Variants in PDE2A observed in about 807,000 individuals in gnomAD.
The protein encoded by PDE2A is phosphodiesterase 2A, also known as cGMP-dependent 3',5'-cyclic phosphodiesterase.
In PDE2A, 53 loss-of-function variants were observed where a neutral mutation model predicts 133.6. That is an observed-to-expected ratio of 0.40 (90% CI 0.32 to 0.50). The LOEUF is 0.50. Among genes scored for constraint, PDE2A ranks in the 20% least tolerant of loss-of-function variants. The pLI is 0.73. For synonymous variants in PDE2A, 491 were observed against 490.2 expected, an observed-to-expected ratio of 1.00 and a Z score of -0.02; for missense variants, 796 against 1,232.4, an observed-to-expected ratio of 0.65 and a Z score of 5.30.
rs745389201 is a variant in PDE2A at position 72,589,992 on chromosome 11, G to C, written c.757-11C>G. ...GGTCTCCTGCTGCAGCTGAGAGAGG[G>C]ACAGGCAGGGCGAGGGGGTGACCGC... On this transcript the variant is annotated splice_polypyrimidine_tract_variant and intron_variant, in intron 9 of 30. Coordinates refer to ENST00000334456, the MANE Select transcript of PDE2A (RefSeq NM_002599.5). 6.2e-7 allele frequency: 1 copy of C among 1,608,468 alleles called. No homozygotes were observed. Among genetic ancestry groups the C allele is most frequent in the Non-Finnish European group, 8.5e-7 (1 of 1,177,524 alleles).
chr11:72,650,899 A>T (rs1188533485), intron 1 of PDE2A, among the ~76,000 whole-genome samples: 3 of 150,868 alleles, frequency 2.0e-5, no homozygotes. Context: ...ACACACACAC[A>T]CACACACACA....
intron 2 of PDE2A, among the ~76,000 whole-genome samples, chr11:72,613,087 G>A (rs1439915268): frequency 6.6e-6 from 1 of 152,122 alleles, no homozygotes; most frequent in African/African-American, 2.4e-5. Flanking sequence ...CCTGAGGGTT[G>A]GGGTCGCTGC....
At chr11:72,663,341 C>T (rs1211279143) in intron 1 of PDE2A, among the ~76,000 whole-genome samples, 1 of 152,206 alleles carries the variant, frequency 6.6e-6, no homozygotes, top group Non-Finnish European at 1.5e-5. Flanking sequence ...TGCCCAGATA[C>T]AGAGCGCGGT....
Position 72,597,632 on chromosome 11 carries a change from C to T in PDE2A, c.324-13G>A. 1 of 1,572,620 alleles carries T rather than the reference C, an allele frequency of 6.4e-7. No homozygotes were observed. The stretch of plus-strand genomic sequence containing the variant: ...GATGATAGCCTCCCTGAAAAGAGGA[C>T]ATGATGCCACCTTGAGAGCCCCCGA... On this transcript the variant is annotated splice_polypyrimidine_tract_variant and intron_variant, in intron 4 of 30. Transcript: ENST00000334456. The surrounding 1 kb of genome is among the most constrained non-coding windows in gnomAD (Gnocchi z 4.6).
In PDE2A at chr11:72,584,250, T is replaced by A. The variant is rs996310370; in HGVS notation, c.1601A>T (p.Glu534Val). The A allele has an allele frequency of 3.1e-6, 5 of 1,599,398 alleles. No individual in the cohort carries two copies. In the African/African-American group the frequency reaches 6.8e-5, roughly 22 times the overall value. ...INGPWFSKFD[E>V]DLATAFSIYC... ...GATGGAGAAGGCCGTCGCCAGGTCC[T>A]CGTCGAACTTGCTGAACCATGGCCC... Residue 534 changes from glutamate (E) to valine (V), a missense_variant, in exon 19 of 31, where the codon GAG becomes GTG. Glu to Val is a moderately radical substitution (Grantham distance 121). Transcript: ENST00000334456.
chr11:72,664,364 ATTTTTTTTTTTT>A lies in PDE2A; in HGVS notation c.71+9761_71+9772del, dbSNP rs34217943. 2.3e-4 allele frequency among the ~76,000 whole-genome samples: 16 copies of A among 70,104 alleles called. 1 individual carries two copies. Among genetic ancestry groups the A allele is most frequent in the South Asian group, 1.3e-3 (2 of 1,594 alleles). 46.0% of individuals were successfully genotyped at this position (70,104 alleles called of 152,430 possible). A position where few individuals can be genotyped will look rare whatever the true frequency, so the allele number is the denominator to read the frequency against. Reference sequence around the variant, plus strand: ...CAAAATAGGGCTAGCCCCTTGAAGGATTTTTTTTTTTTTTTTTTTTTTTTTTTGAGACGGAGT... The same window carrying A: ...CAAAATAGGGCTAGCCCCTTGAAGGATTTTTTTTTTTTTTTGAGACGGAGT... On this transcript the variant is annotated intron_variant, in intron 1 of 30. Coordinates refer to ENST00000334456, the MANE Select transcript of PDE2A (RefSeq NM_002599.5).
rs761679969 is a variant in PDE2A at position 72,588,883 on chromosome 11, C to T, written c.971G>A (p.Gly324Asp). Residue 324 changes from glycine to aspartate, a missense_variant, in exon 13 of 31, where the codon GGC (glycine) becomes GAC (aspartate). Gly to Asp is a moderately conservative substitution (Grantham distance 94). Around this residue, in one of 7 missense-constraint regions of PDE2A, gnomAD observed 417 missense variants for 475.3 expected, o/e 0.88. Transcript: ENST00000334456. ...ACAGAGCATGGCCTGCAGCTCACAG[C>T]CCAACATGCTCTGCAGCTGTTGTAC... Reference protein sequence around the residue: ...EDVQQLQSMLGCELQAMLCVP... With the variant: ...EDVQQLQSMLDCELQAMLCVP... The T allele has an allele frequency of 6.2e-7, 1 of 1,609,372 alleles. No homozygotes were observed. Among genetic ancestry groups the T allele is most frequent in the South Asian group, 1.1e-5 (1 of 90,934 alleles).
At chr11:72,642,047 G>A (rs1858973639) in intron 2 of PDE2A, among the ~76,000 whole-genome samples, 1 of 152,254 alleles carries the variant, frequency 6.6e-6, no homozygotes, top group Non-Finnish European at 1.5e-5. Flanking sequence ...CCCCGGATCC[G>A]AAAGGAGTTC....
chr11:72,641,958 G>A (rs1858970143), intron 2 of PDE2A, among the ~76,000 whole-genome samples: 1 of 152,224 alleles, frequency 6.6e-6, no homozygotes, highest in African/African-American at 2.4e-5. Context: ...CTAAGGAAAG[G>A]GAATTCGAGG....
At chr11:72,652,142 G>A (rs1238695998) in intron 1 of PDE2A, among the ~76,000 whole-genome samples, 1 of 152,212 alleles carries the variant, frequency 6.6e-6, no homozygotes, top group African/African-American at 2.4e-5. Context: ...AATAAGCAAG[G>A]GGACCCCAAT....
chr11:72,598,694 G>A (rs896970038), intron 4 of PDE2A: 21 of 1,282,430 alleles, frequency 1.6e-5, no homozygotes, highest in Non-Finnish European at 2.0e-5. Flanking sequence ...AAAAGGAGGG[G>A]GTGGCCTGCA....
chr11:72,647,160 C>T (rs1859149434), intron 1 of PDE2A, among the ~76,000 whole-genome samples: 1 of 152,224 alleles, frequency 6.6e-6, no homozygotes, highest in African/African-American at 2.4e-5. Context: ...TGGCAGATCT[C>T]CATAGACTGT....
intron 2 of PDE2A, among the ~76,000 whole-genome samples, chr11:72,620,865 T>A (rs758337049): frequency 6.7e-6 from 1 of 149,204 alleles, no homozygotes; most frequent in Non-Finnish European, 1.5e-5. Context: ...GGGACAGAAG[T>A]TGGGGGAGAG....
At chr11:72,671,950 G>A (rs1855394749) in intron 1 of PDE2A, among the ~76,000 whole-genome samples, 1 of 151,878 alleles carries the variant, frequency 6.6e-6, no homozygotes, top group Non-Finnish European at 1.5e-5. Flanking sequence ...CTGACTTACT[G>A]AGATGTCTGC....
At chr11:72,615,342 G>A (rs941734241) in intron 2 of PDE2A, among the ~76,000 whole-genome samples, 2 of 152,230 alleles carry the variant, frequency 1.3e-5, no homozygotes, top group African/African-American at 4.8e-5. Context: ...AGCTAGGTTT[G>A]GGGGTGGATG....
chr11:72,593,411 C>A (rs1250082004), intron 6 of PDE2A, among the ~76,000 whole-genome samples: 1 of 152,180 alleles, frequency 6.6e-6, no homozygotes, highest in African/African-American at 2.4e-5. Context: ...CTTACACCTG[C>A]TCTTGCTAAT....
intron 24 of PDE2A, 57 bp downstream of exon 24, chr11:72,580,829 A>T: frequency 2.6e-6 from 3 of 1,135,660 alleles, no homozygotes; most frequent in Non-Finnish European, 4.0e-6. Flanking sequence ...CTGGGAGAGG[A>T]TGAGACTCCC....
At chr11:72,671,819 C>T (rs1377631677) in intron 1 of PDE2A, among the ~76,000 whole-genome samples, 2 of 152,124 alleles carry the variant, frequency 1.3e-5, no homozygotes, top group Non-Finnish European at 2.9e-5. Context: ...CAAGAGATGG[C>T]TCCATGATCT....
chr11:72,650,357 C>T (rs1401338388), intron 1 of PDE2A, among the ~76,000 whole-genome samples: 1 of 152,076 alleles, frequency 6.6e-6, no homozygotes, highest in Non-Finnish European at 1.5e-5. Flanking sequence ...CTCCACTGAG[C>T]CACATCCCCT....
Sources: allele counts gnomAD v4.1 joint callset (sites outside exome capture counted in the v4.1 genomes callset), GRCh38; gene constraint gnomAD v4.1.1; regional missense constraint gnomAD v4.1.1; non-coding constraint Gnocchi (gnomAD v3.1); transcripts MANE v1.5; gene names NCBI Gene and HGNC (gene_info 2026-07-23, HGNC 2026-07-21).